SEPTIN9: variants seen among roughly 807,000 people sequenced by gnomAD.
SEPTIN9 encodes septin 9.
In SEPTIN9, 13 loss-of-function variants were observed where a neutral mutation model predicts 56.6. That is an observed-to-expected ratio of 0.23 (90% CI 0.15 to 0.37). SEPTIN9 has a LOEUF of 0.37. Among genes scored for constraint, SEPTIN9 ranks in the 10% least tolerant of loss-of-function variants. The probability of loss-of-function intolerance (pLI) is 1.00; values close to 1 mark genes in which losing one functional copy is unlikely to be tolerated. For missense variants in SEPTIN9, 650 were observed against 823.1 expected, an observed-to-expected ratio of 0.79 and a Z score of 2.57; for synonymous variants, 332 against 334.1, an observed-to-expected ratio of 0.99 and a Z score of 0.07.
Position 77,423,032 on chromosome 17 carries a change from C to T in SEPTIN9, c.721+20329C>T, listed in dbSNP as rs551367505. On this transcript the variant is annotated intron_variant, in intron 3 of 11. Coordinates refer to ENST00000427177, the MANE Select transcript of SEPTIN9 (RefSeq NM_001113491.2). ...TATACTTGTGAACCCTGAGACAATA[C>T]CTGCATCTTTTTTTTTCTTGAGGCT... is the stretch of plus-strand genomic sequence containing the variant. 2.6e-5 allele frequency among the ~76,000 whole-genome samples: 4 copies of T among 152,224 alleles called. No homozygotes were observed. The South Asian group carries it at 6.2e-4, about 24-fold the overall frequency.
intron 2 of SEPTIN9, among the ~76,000 whole-genome samples, chr17:77,372,074 G>A (rs540848144): frequency 4.6e-5 from 7 of 151,430 alleles, no homozygotes; most frequent in African/African-American, 1.7e-4. Context: ...GGCGCTCCCC[G>A]GCCACACATT....
chr17:77,477,598 G>T (rs1053443654), intron 3 of SEPTIN9, among the ~76,000 whole-genome samples: 1 of 152,214 alleles, frequency 6.6e-6, no homozygotes, highest in African/African-American at 2.4e-5. Flanking sequence ...GCTGCACTAG[G>T]AGCTGGGGAT....
chr17:77,407,301 A>AAT (rs2036122021), intron 3 of SEPTIN9, among the ~76,000 whole-genome samples: 1 of 151,424 alleles, frequency 6.6e-6, no homozygotes, highest in Non-Finnish European at 1.5e-5. Context: ...AAAAAAAAAA[A>AAT]AAAAAAATCC....
intron 1 of SEPTIN9, among the ~76,000 whole-genome samples, chr17:77,288,884 G>A (rs1187280786): frequency 1.3e-5 from 2 of 152,174 alleles, no homozygotes; most frequent in African/African-American, 4.8e-5. Flanking sequence ...AGTGCACACA[G>A]AGGCCGGCAC....
At chr17:77,365,238 A>G (rs985853769) in intron 2 of SEPTIN9, among the ~76,000 whole-genome samples, 7 of 152,062 alleles carry the variant, frequency 4.6e-5, no homozygotes, top group Non-Finnish European at 8.8e-5. Flanking sequence ...AAATCCATCT[A>G]CAGCCTGACT....
intron 2 of SEPTIN9, among the ~76,000 whole-genome samples, chr17:77,364,359 T>C (rs1426857279): frequency 6.6e-6 from 1 of 152,184 alleles, no homozygotes; most frequent in African/African-American, 2.4e-5. Context: ...GGGTAATTTG[T>C]TAATGGGGTA....
chr17:77,455,662 G>A lies in SEPTIN9; in HGVS notation c.722-26482G>A, dbSNP rs551644203. 7.2e-5 allele frequency among the ~76,000 whole-genome samples: 11 copies of A among 152,332 alleles called. No homozygotes were observed. The South Asian group carries it at 2.3e-3, about 32-fold the overall frequency. ...CTCCAAGGGGGCCCCCAGCGGGCGGGGTTGATGGTGCCGTCTCTCTCTCTG... is the reference window on the plus strand; with the variant it reads ...CTCCAAGGGGGCCCCCAGCGGGCGGAGTTGATGGTGCCGTCTCTCTCTCTG... On this transcript the variant is annotated intron_variant, in intron 3 of 11. Coordinates refer to ENST00000427177, the MANE Select transcript of SEPTIN9 (RefSeq NM_001113491.2).
chr17:77,413,648 G>GC (rs1019406717), intron 3 of SEPTIN9, among the ~76,000 whole-genome samples: 22 of 151,624 alleles, frequency 1.5e-4, no homozygotes, highest in African/African-American at 4.9e-4. Flanking sequence ...TTAGGAGAGA[G>GC]CCCCCCTCCC....
At chr17:77,373,708 C>T in intron 2 of SEPTIN9, 5 of 1,341,754 alleles carry the variant, frequency 3.7e-6, no homozygotes, top group Non-Finnish European at 3.9e-6. Context: ...GAGCGCCGCG[C>T]GCCCCCGGCC....
At chr17:77,426,315 G>A (rs899100680) in intron 3 of SEPTIN9, among the ~76,000 whole-genome samples, 1 of 152,132 alleles carries the variant, frequency 6.6e-6, no homozygotes, top group Non-Finnish European at 1.5e-5. Context: ...AGTGCTGCCT[G>A]TGATGATGGT....
At chr17:77,297,038 G>A (rs770570615) in intron 1 of SEPTIN9, among the ~76,000 whole-genome samples, 16 of 152,272 alleles carry the variant, frequency 1.1e-4, no homozygotes, top group Middle Eastern at 3.4e-3. Flanking sequence ...GGGTAGATAG[G>A]CAGATAGACA....
At chr17:77,422,724 G>A (rs904955767) in intron 3 of SEPTIN9, among the ~76,000 whole-genome samples, 14 of 152,182 alleles carry the variant, frequency 9.2e-5, no homozygotes, top group African/African-American at 3.1e-4. Context: ...TTTTGGTTCC[G>A]GTTCTGTTCT....
At chr17:77,403,012 T>TC (rs1445856566) in intron 3 of SEPTIN9, among the ~76,000 whole-genome samples, 1 of 152,094 alleles carries the variant, frequency 6.6e-6, no homozygotes, top group Non-Finnish European at 1.5e-5. Flanking sequence ...CTGCTGTGTG[T>TC]CCCTGGAGGG....
intron 2 of SEPTIN9, among the ~76,000 whole-genome samples, chr17:77,361,116 G>A (rs2034404039): frequency 6.6e-6 from 1 of 151,964 alleles, no homozygotes; most frequent in Non-Finnish European, 1.5e-5. Context: ...TAGAGATGGG[G>A]TTTCACCACA....
chr17:77,316,381 G>A (rs1275753581), intron 2 of SEPTIN9, among the ~76,000 whole-genome samples: 1 of 152,182 alleles, frequency 6.6e-6, no homozygotes, highest in Non-Finnish European at 1.5e-5. Context: ...GTGATCCCCC[G>A]CCTGGGCCAA....
At chr17:77,381,228 T>C (rs1302387380) in intron 2 of SEPTIN9, among the ~76,000 whole-genome samples, 1 of 152,190 alleles carries the variant, frequency 6.6e-6, no homozygotes, top group East Asian at 1.9e-4. Context: ...CTCATCTTTC[T>C]TTCTGGTGGG....
rs1310291812 is a variant in SEPTIN9, at chr17:77,475,380, A to T, written c.722-6764A>T. On this transcript the variant is annotated intron_variant, in intron 3 of 11. Coordinates refer to ENST00000427177, the MANE Select transcript of SEPTIN9 (RefSeq NM_001113491.2). The surrounding 1 kb of genome is among the most constrained non-coding windows in gnomAD (Gnocchi z 4.6). The stretch of plus-strand genomic sequence containing the variant: ...AAGGACTTTGCAGGCACCCAGGGAG[A>T]TAGGAGAGGAGGAGGGAGCAGCCCT... 6.2e-6 allele frequency: 9 copies of T among 1,440,900 alleles called. No homozygotes were observed. The East Asian group carries it at 1.5e-4, about 24-fold the overall frequency. 89.3% of individuals were successfully genotyped at this position (1,440,900 alleles called of 1,614,324 possible). A position where few individuals can be genotyped will look rare whatever the true frequency, so the allele number is the denominator to read the frequency against.
rs2037279522 is a variant in SEPTIN9, at chr17:77,434,836, C to T, written c.721+32133C>T. Among the ~76,000 whole-genome samples, 1 of 152,172 alleles carries T rather than the reference C, an allele frequency of 6.6e-6. No individual in the cohort carries two copies. Among genetic ancestry groups the T allele is most frequent in the South Asian group, 2.1e-4 (1 of 4,826 alleles). ...TTCAGTCCTTAATTCAGGAGGGTAG[C>T]CAGTCGCTGGAACTAAGAGTGAACT... is the stretch of plus-strand genomic sequence containing the variant. On this transcript the variant is annotated intron_variant, in intron 3 of 11. Coordinates refer to ENST00000427177, the MANE Select transcript of SEPTIN9 (RefSeq NM_001113491.2). This position sits in a 1 kb window ranked among gnomAD's most constrained non-coding sequence, Gnocchi z 5.0.
rs1372384353 is a variant in SEPTIN9 at position 77,429,109 on chromosome 17, G to T, written c.721+26406G>T. 2.1e-6 allele frequency: 1 copy of T among 471,650 alleles called. No homozygotes were observed. Among genetic ancestry groups the T allele is most frequent in the East Asian group, 6.9e-5 (1 of 14,402 alleles). 29.2% of individuals were successfully genotyped at this position (471,650 alleles called of 1,614,324 possible). ...TTGTGCCCCAGCTCCGTGTCCTCCG[G>T]TGTGTGTGAGGCCAAGCTCCTGGGG... On this transcript the variant is annotated intron_variant, in intron 3 of 11. Coordinates refer to ENST00000427177, the MANE Select transcript of SEPTIN9 (RefSeq NM_001113491.2). The surrounding 1 kb of genome is among the most constrained non-coding windows in gnomAD (Gnocchi z 5.2).
Sources: gnomAD v4.1 joint callset for allele counts (sites outside exome capture counted in the v4.1 genomes callset) on GRCh38, gnomAD v4.1.1 for gene constraint, Gnocchi (gnomAD v3.1) non-coding constraint, MANE v1.5 for transcripts, NCBI Gene and HGNC (gene_info 2026-07-23, HGNC 2026-07-21) for gene names.